NFASC: variants seen among roughly 807,000 people sequenced by gnomAD.
NFASC encodes neurofascin homolog.
Under a neutral mutation model 147.5 loss-of-function variants are expected in NFASC, and 43 were observed. That is an observed-to-expected ratio of 0.29 (90% CI 0.23 to 0.38). The LOEUF (loss-of-function observed/expected upper bound fraction) is 0.38. Ranked by LOEUF, NFASC falls within the 10% of genes least tolerant of loss-of-function variation. NFASC has a pLI of 1.00. For synonymous variants in NFASC, 622 were observed against 665.5 expected (o/e 0.93, Z 1.01); for missense variants, 1,320 against 1,689.0 (o/e 0.78, Z 3.83).
chr1:204,900,198 G>T (rs2084255997), intron 1 of NFASC, among the ~76,000 whole-genome samples: 1 of 152,194 alleles, frequency 6.6e-6, no homozygotes, highest in South Asian at 2.1e-4. Context: ...TACTCTGTTT[G>T]AGAGCCTGAG....
In NFASC at chr1:205,016,512, T is replaced by C. The variant is rs978396485; in HGVS notation, c.3696T>C (p.Pro1232=). 2.5e-6 allele frequency: 4 copies of C among 1,613,742 alleles called. No individual in the cohort carries two copies. The highest frequency in any genetic ancestry group is 3.4e-6 in the Non-Finnish European group (4 of 1,179,784). The change falls in exon 30 of 30, where the codon CCT becomes CCC. Residue 1232 remains proline, a synonymous_variant. Transcript: ENST00000339876. The surrounding 1 kb of genome is among the most constrained non-coding windows in gnomAD (Gnocchi z 5.1). ...EGNESSEATS[P]VNAIYSLA ...ACGAAAGCTCAGAGGCCACGTCACC[T>C]GTCAATGCTATCTACTCTCTGGCCT...
chr1:204,944,468 G>GGTTGGGT, intron 3 of NFASC, 62 bp downstream of exon 3: 1 of 473,320 alleles, frequency 2.1e-6, no homozygotes, highest in Non-Finnish European at 3.9e-6. Flanking sequence ...GGTGGGAGGG[G>GGTTGGGT]AGGGAAGGTC....
chr1:204,981,778 C>T lies in NFASC; in HGVS notation c.2248-20C>T. On this transcript the variant is annotated intron_variant, in intron 20 of 29. Transcript: ENST00000339876. ...GCCCCTCTCTGGCAGCCTCTCCAGC[C>T]TGTCTGTCCCTCTGCCCAGCCCATG... is the stretch of plus-strand genomic sequence containing the variant. 6.7e-7 allele frequency: 1 copy of T among 1,489,248 alleles called. No individual in the cohort carries two copies. The highest frequency in any genetic ancestry group is 9.0e-7 in the Non-Finnish European group (1 of 1,108,058). 92.3% of individuals were successfully genotyped at this position (1,489,248 alleles called of 1,614,324 possible).
At chr1:204,868,706 T>C (rs1166297060) in intron 1 of NFASC, among the ~76,000 whole-genome samples, 1 of 152,152 alleles carries the variant, frequency 6.6e-6, no homozygotes, top group Non-Finnish European at 1.5e-5. Flanking sequence ...CTTCCAACAC[T>C]GAGCTGAGCT....
intron 10 of NFASC, among the ~76,000 whole-genome samples, chr1:204,969,293 T>A (rs1373909097): frequency 6.6e-6 from 1 of 152,238 alleles, no homozygotes; most frequent in Admixed American, 6.5e-5. Flanking sequence ...AGCCTTTTTT[T>A]CCTTTCGTTT....
At chr1:204,992,305 C>T (rs59836710) in intron 24 of NFASC, among the ~76,000 whole-genome samples, 447 of 152,314 alleles carry the variant, frequency 2.9e-3, no homozygotes, top group African/African-American at 0.011. Context: ...AGGACCGGGC[C>T]AGGAATCTGA....
chr1:204,970,827 G>C, intron 11 of NFASC, 80 bp downstream of exon 11: 2 of 1,568,974 alleles, frequency 1.3e-6, no homozygotes, highest in African/African-American at 1.4e-5. Flanking sequence ...TGTAGCCAGT[G>C]CTGGTCACAC....
At chr1:204,887,059 A>G (rs1428943922) in intron 1 of NFASC, among the ~76,000 whole-genome samples, 1 of 152,180 alleles carries the variant, frequency 6.6e-6, no homozygotes, top group Non-Finnish European at 1.5e-5. Flanking sequence ...AAGTACATGT[A>G]TGTTGCTGTG....
intron 1 of NFASC, among the ~76,000 whole-genome samples, chr1:204,838,016 GAACACCT>G (rs1674254441): frequency 6.6e-6 from 1 of 152,146 alleles, no homozygotes; most frequent in Non-Finnish European, 1.5e-5. Flanking sequence ...GCATCCCACA[GAACACCT>G]AAAGCCTCCC....
chr1:204,850,906 C>T (rs2075620461), intron 1 of NFASC, among the ~76,000 whole-genome samples: 1 of 151,996 alleles, frequency 6.6e-6, no homozygotes, highest in Non-Finnish European at 1.5e-5. Context: ...CATAATGAAC[C>T]AGGAAACATA....
chr1:204,943,945 A>G (rs1159704649), intron 2 of NFASC, among the ~76,000 whole-genome samples: 1 of 152,070 alleles, frequency 6.6e-6, no homozygotes, highest in Non-Finnish European at 1.5e-5. Context: ...ATGTCTGGAG[A>G]CATTTCTGAT....
chr1:204,879,236 C>A (rs2103266989), intron 1 of NFASC, among the ~76,000 whole-genome samples: 1 of 152,318 alleles, frequency 6.6e-6, no homozygotes, highest in East Asian at 1.9e-4. Flanking sequence ...AATCTACTCT[C>A]AAAAAGTTTG....
intron 16 of NFASC, chr1:204,977,016 C>T: frequency 1.5e-6 from 2 of 1,303,800 alleles, no homozygotes; most frequent in Non-Finnish European, 9.7e-7. Context: ...CATTAACTTC[C>T]CCACGTCTCA....
At position 205,016,739 on chromosome 1, in the gene NFASC, T is replaced by A. The variant is rs1246880026; in HGVS notation, c.*200T>A. On this transcript the variant is annotated 3_prime_UTR_variant, in exon 30 of 30. Transcript: ENST00000339876. The surrounding 1 kb of genome is among the most constrained non-coding windows in gnomAD (Gnocchi z 5.1). The stretch of plus-strand genomic sequence containing the variant: ...CCAATGACCCCCCTTCAGCCCCGGG[T>A]GCCACCAGTGTGGGAGAGCTGGAGC... 4 of 645,814 alleles carry A rather than the reference T, an allele frequency of 6.2e-6. No individual in the cohort carries two copies. The highest frequency in any genetic ancestry group is 1.1e-5 in the Non-Finnish European group (4 of 351,938). The allele number at this position is 645,814 out of a possible 1,614,324, so 40.0% of individuals were successfully genotyped here. A position where few individuals can be genotyped will look rare whatever the true frequency, so the allele number is the denominator to read the frequency against.
intron 2 of NFASC, among the ~76,000 whole-genome samples, chr1:204,933,997 G>A (rs1353799100): frequency 6.6e-6 from 1 of 152,088 alleles, no homozygotes; most frequent in African/African-American, 2.4e-5. Context: ...AATTAGCTGG[G>A]CGTGGTGGCA....
At chr1:204,946,732 T>G (rs758949880) in intron 3 of NFASC, 4 of 518,980 alleles carry the variant, frequency 7.7e-6, no homozygotes, top group Non-Finnish European at 1.5e-5. Flanking sequence ...CAAGTTAAAG[T>G]ACCTGGCCTT....
At chr1:204,856,910 T>C (rs2076204843) in intron 1 of NFASC, among the ~76,000 whole-genome samples, 1 of 152,236 alleles carries the variant, frequency 6.6e-6, no homozygotes, top group African/African-American at 2.4e-5. Flanking sequence ...CAGAATTTGT[T>C]TCTCCATTCA....
chr1:205,003,568 C>A (rs186204335), intron 27 of NFASC, among the ~76,000 whole-genome samples: 7 of 152,060 alleles, frequency 4.6e-5, no homozygotes, highest in African/African-American at 1.7e-4. Flanking sequence ...GCCAAGTGGC[C>A]GGTATGCTAA....
intron 1 of NFASC, among the ~76,000 whole-genome samples, chr1:204,847,921 T>G (rs79962055): frequency 1.9e-3 from 283 of 152,316 alleles, no homozygotes; most frequent in African/African-American, 6.5e-3. Context: ...AGGACATTAG[T>G]CACAGTTAAT....
Sources: gnomAD v4.1 joint callset for allele counts (sites outside exome capture counted in the v4.1 genomes callset) on GRCh38, gnomAD v4.1.1 for gene constraint, Gnocchi (gnomAD v3.1) non-coding constraint, MANE v1.5 for transcripts, NCBI Gene and HGNC (gene_info 2026-07-23, HGNC 2026-07-21) for gene names.